Variants in FSAF1 observed in about 807,000 individuals in gnomAD.
FSAF1 encodes 40S small subunit processome assembly factor 1.
At chr1:231,234,296 G>A in the FSAF1 span, among the ~76,000 whole-genome samples, 1 of 152,216 alleles carries the variant, frequency 6.6e-6, no homozygotes, top group East Asian at 1.9e-4. The surrounding 1 kb of genome is among the most constrained non-coding windows in gnomAD (Gnocchi z 4.0). Flanking sequence ...AACAGGGGCA[G>A]TGAATGATTC....
the FSAF1 span, chr1:231,224,235 G>A: frequency 1.0e-5 from 16 of 1,582,192 alleles, no homozygotes; most frequent in Non-Finnish European, 1.4e-5. Context: ...GGCCGCTGCA[G>A]TTGACTCAGT....
At chr1:231,239,048 C>CG in the FSAF1 span, 2 of 1,614,172 alleles carry the variant, frequency 1.2e-6, no homozygotes, top group South Asian at 2.2e-5. Context: ...AAGCTCGAAG[C>CG]GCTCTTCCTC....
chr1:231,231,530 TC>T, the FSAF1 span, among the ~76,000 whole-genome samples: 1 of 152,202 alleles, frequency 6.6e-6, no homozygotes. Flanking sequence ...AGACGGGGTC[TC>T]ACTCTGTCGC....
At chr1:231,226,735 CT>C in the FSAF1 span, 1 of 1,595,166 alleles carries the variant, frequency 6.3e-7, no homozygotes, top group African/African-American at 1.3e-5. Flanking sequence ...ACCATCACAC[CT>C]ACCAGTCTCT....
At chr1:231,230,897 A>G in the FSAF1 span, among the ~76,000 whole-genome samples, 4 of 152,176 alleles carry the variant, frequency 2.6e-5, no homozygotes, top group Non-Finnish European at 5.9e-5. Context: ...GGCTTACCCA[A>G]CGCTCTTATT....
the FSAF1 span, chr1:231,224,443 T>A: frequency 5.7e-6 from 9 of 1,584,080 alleles, no homozygotes; most frequent in Admixed American, 1.5e-4. Flanking sequence ...AAAGGTACTA[T>A]AAATAGTCAA....
chr1:231,230,759 G>T, the FSAF1 span, among the ~76,000 whole-genome samples: 1 of 152,194 alleles, frequency 6.6e-6, no homozygotes, highest in Non-Finnish European at 1.5e-5. Context: ...ATAGATGATG[G>T]CTTCTGACTC....
At chr1:231,231,743 G>A in the FSAF1 span, among the ~76,000 whole-genome samples, 2 of 152,236 alleles carry the variant, frequency 1.3e-5, no homozygotes, top group South Asian at 2.1e-4. Flanking sequence ...GAAAGAGACC[G>A]GCCTACAAAA....
the FSAF1 span, chr1:231,237,895 A>G: frequency 2.0e-5 from 3 of 152,260 alleles, no homozygotes; most frequent in African/African-American, 4.8e-5. Flanking sequence ...AATTAAAAAC[A>G]TTTGGGGCCA....
the FSAF1 span, chr1:231,224,359 C>T: frequency 6.8e-6 from 11 of 1,613,164 alleles, no homozygotes; most frequent in African/African-American, 1.3e-5. Flanking sequence ...AATTTTCCAA[C>T]CTGTCCAATC....
chr1:231,233,172 G>A, the FSAF1 span, among the ~76,000 whole-genome samples: 1 of 152,186 alleles, frequency 6.6e-6, no homozygotes, highest in Non-Finnish European at 1.5e-5. Context: ...AAAGCTATTT[G>A]ACTATAACTT....
At chr1:231,229,279 G>T in the FSAF1 span, 1 of 1,122,544 alleles carries the variant, frequency 8.9e-7, no homozygotes, top group South Asian at 1.6e-5. Flanking sequence ...CGAAAGAGTA[G>T]ACATGTTTTA....
At chr1:231,238,758 G>A in the FSAF1 span, 1 of 1,187,506 alleles carries the variant, frequency 8.4e-7, no homozygotes, top group South Asian at 1.5e-5. Context: ...GCAGGCCTGA[G>A]GATAGTCAGG....
chr1:231,232,449 C>T, the FSAF1 span, among the ~76,000 whole-genome samples: 1 of 152,220 alleles, frequency 6.6e-6, no homozygotes, highest in East Asian at 1.9e-4. Flanking sequence ...TAACCACCCT[C>T]CAGATGGTGG....
the FSAF1 span, among the ~76,000 whole-genome samples, chr1:231,235,917 A>C: frequency 2.0e-5 from 3 of 152,310 alleles, no homozygotes; most frequent in East Asian, 5.8e-4. Flanking sequence ...GTTCTGGAAA[A>C]ATAGGGTAAT....
the FSAF1 span, among the ~76,000 whole-genome samples, chr1:231,230,726 ACAGT>A: frequency 2.0e-5 from 3 of 152,170 alleles, no homozygotes; most frequent in African/African-American, 7.2e-5. Context: ...GTGGGTTCAG[ACAGT>A]CAGTCACTGC....
chr1:231,227,064 C>T, the FSAF1 span: 35 of 1,614,116 alleles, frequency 2.2e-5, no homozygotes, highest in African/African-American at 3.2e-4. Flanking sequence ...CACTTCTAAA[C>T]GAGCCTGCGG....
the FSAF1 span, chr1:231,241,157 C>G: frequency 6.2e-7 from 1 of 1,601,410 alleles, no homozygotes; most frequent in Admixed American, 1.7e-5. Context: ...CGCGCTGCAC[C>G]CCCGCTTCCG....
the FSAF1 span, among the ~76,000 whole-genome samples, chr1:231,233,295 A>G: frequency 6.6e-6 from 1 of 152,236 alleles, no homozygotes. Context: ...AAAGTTATGT[A>G]CACAGTGTTG....
Sources: allele counts gnomAD v4.1 joint callset (sites outside exome capture counted in the v4.1 genomes callset), GRCh38; gene constraint gnomAD v4.1.1; non-coding constraint Gnocchi (gnomAD v3.1); transcripts MANE v1.5; gene names NCBI Gene and HGNC (gene_info 2026-07-23, HGNC 2026-07-21).